CMIP: variants seen among roughly 807,000 people sequenced by gnomAD.
The protein encoded by CMIP is c-Maf inducing protein.
A neutral mutation model predicts 97.3 loss-of-function variants in CMIP; 13 were observed. The ratio of observed to expected loss-of-function variants is 0.13; its 90% confidence interval spans 0.09 to 0.21. The LOEUF is 0.21. Among genes scored for constraint, CMIP ranks in the 10% least tolerant of loss-of-function variants. CMIP has a pLI of 1.00. For missense variants in CMIP, 847 were observed against 1,024.9 expected (o/e 0.83, Z 2.37); for synonymous variants, 538 against 436.3 (o/e 1.23, Z -2.91).
chr16:81,652,075 G>T lies in CMIP; in HGVS notation c.478-128G>T. 2.9e-6 allele frequency: 2 copies of T among 688,366 alleles called. No homozygotes were observed. Among genetic ancestry groups the T allele is most frequent in the Non-Finnish European group, 2.4e-6 (1 of 410,320 alleles). 42.6% of individuals were successfully genotyped at this position (688,366 alleles called of 1,614,324 possible). On this transcript the variant is annotated intron_variant, in intron 3 of 20. Transcript: ENST00000537098. The surrounding 1 kb of genome is among the most constrained non-coding windows in gnomAD (Gnocchi z 5.2). ...GGGTGTCAGTTTCCTTATAAACGGGGACTGGGCCAAGTTGTCAGTTTCTCA... is the reference window on the plus strand; with the variant it reads ...GGGTGTCAGTTTCCTTATAAACGGGTACTGGGCCAAGTTGTCAGTTTCTCA...
Position 81,582,480 on chromosome 16 carries a change from C to G in CMIP, c.301-25087C>G, listed in dbSNP as rs562748797. ...GTAGCAAGTGGTTTTTCATTGCTCC[C>G]TGGAGTCCAGTGGGCTGGGTTTTCA... On this transcript the variant is annotated intron_variant, in intron 1 of 20. Transcript: ENST00000537098. Among the ~76,000 whole-genome samples, 5 of 152,254 alleles carry G rather than the reference C, an allele frequency of 3.3e-5. No individual in the cohort carries two copies. In the South Asian group the frequency reaches 1.0e-3, roughly 32 times the overall value.
At chr16:81,457,166 C>T (rs1301947264) in intron 1 of CMIP, among the ~76,000 whole-genome samples, 1 of 150,906 alleles carries the variant, frequency 6.6e-6, no homozygotes, top group African/African-American at 2.4e-5. Flanking sequence ...CTGCTTGGAA[C>T]CCCTCCGACC....
At chr16:81,505,086 G>A (rs988857472) in intron 1 of CMIP, among the ~76,000 whole-genome samples, 5 of 152,204 alleles carry the variant, frequency 3.3e-5, no homozygotes, top group African/African-American at 4.8e-5. Context: ...CACATCAGTC[G>A]GGAGCCTTGC....
At chr16:81,631,088 A>G (rs2092151771) in intron 3 of CMIP, 1 of 152,346 alleles carries the variant, frequency 6.6e-6, no homozygotes, top group African/African-American at 2.4e-5. Flanking sequence ...AGGGATTGAA[A>G]CTAACAAGTG....
chr16:81,573,458 C>T (rs2091132860), intron 1 of CMIP, among the ~76,000 whole-genome samples: 1 of 152,108 alleles, frequency 6.6e-6, no homozygotes, highest in Admixed American at 6.5e-5. Context: ...TGCTATTCCT[C>T]ATTTAAGGTT....
At chr16:81,680,095 T>C (rs1597240588) in intron 10 of CMIP, among the ~76,000 whole-genome samples, 1 of 152,198 alleles carries the variant, frequency 6.6e-6, no homozygotes, top group African/African-American at 2.4e-5. Context: ...TGTGTTGTCA[T>C]ATTTAACCAA....
chr16:81,539,357 T>A (rs79388303), intron 1 of CMIP, among the ~76,000 whole-genome samples: 7,913 of 151,360 alleles, frequency 0.052, 243 homozygotes, highest in Middle Eastern at 0.088. Context: ...AGCTGCACAA[T>A]GTCTGGCTGT....
chr16:81,633,149 C>A lies in CMIP; in HGVS notation c.477+12223C>A, dbSNP rs551816452. 5.9e-5 allele frequency among the ~76,000 whole-genome samples: 9 copies of A among 152,332 alleles called. No individual in the cohort carries two copies. The South Asian group carries it at 1.9e-3, about 32-fold the overall frequency. On this transcript the variant is annotated intron_variant, in intron 3 of 20. Coordinates refer to ENST00000537098, the MANE Select transcript of CMIP (RefSeq NM_198390.3). ...AGAATTTTGTTTTTCTTTTTCTCGC[C>A]CTTTAAAGACAAGTTTTTAAAACGT...
Position 81,710,818 on chromosome 16 carries a change from A to G in CMIP, c.*1019A>G, listed in dbSNP as rs1908684877. On this transcript the variant is annotated 3_prime_UTR_variant, in exon 21 of 21. Coordinates refer to ENST00000537098, the MANE Select transcript of CMIP (RefSeq NM_198390.3). ...CCCGCCCTCTCCAGTCCACCCCGGT[A>G]AAAGAGCTGTTCCCCACCCCCAGGG... The G allele has an allele frequency of 1.3e-5, 2 of 152,196 alleles. 1 individual carries two copies. The allele number at this position is 152,196 out of a possible 1,614,324, so 9.4% of individuals were successfully genotyped here.
At chr16:81,467,299 C>T (rs928935513) in intron 1 of CMIP, among the ~76,000 whole-genome samples, 6 of 152,158 alleles carry the variant, frequency 3.9e-5, no homozygotes, top group African/African-American at 9.7e-5. Context: ...CCTTCTGCCC[C>T]GTTGGGAAGG....
intron 1 of CMIP, among the ~76,000 whole-genome samples, chr16:81,572,651 C>T (rs1033251248): frequency 6.6e-6 from 1 of 152,162 alleles, no homozygotes; most frequent in African/African-American, 2.4e-5. Context: ...CATGGTCGAG[C>T]GGGGGTCTCA....
At chr16:81,449,620 C>T (rs1906082302) in intron 1 of CMIP, among the ~76,000 whole-genome samples, 1 of 151,572 alleles carries the variant, frequency 6.6e-6, no homozygotes, top group Non-Finnish European at 1.5e-5. Context: ...TGTGCCTAGC[C>T]TGCCTTTAAT....
intron 3 of CMIP, among the ~76,000 whole-genome samples, chr16:81,633,690 G>T (rs1409664787): frequency 6.6e-6 from 1 of 152,216 alleles, no homozygotes; most frequent in Non-Finnish European, 1.5e-5. Flanking sequence ...AGAAACTGAG[G>T]CCACTCCTAA....
At chr16:81,474,298 C>T (rs932761194) in intron 1 of CMIP, among the ~76,000 whole-genome samples, 1 of 152,116 alleles carries the variant, frequency 6.6e-6, no homozygotes, top group Non-Finnish European at 1.5e-5. Context: ...CCCTCCCTCC[C>T]TCTCTCCCTA....
At chr16:81,454,336 G>A (rs1906416965) in intron 1 of CMIP, among the ~76,000 whole-genome samples, 1 of 152,330 alleles carries the variant, frequency 6.6e-6, no homozygotes, top group Admixed American at 6.5e-5. Context: ...AGGAAGTAGA[G>A]TTTAGTGTCA....
chr16:81,589,971 G>C (rs1485917676), intron 1 of CMIP, among the ~76,000 whole-genome samples: 1 of 152,250 alleles, frequency 6.6e-6, no homozygotes, highest in Non-Finnish European at 1.5e-5. Context: ...TCCTGTGGGG[G>C]ATGGATTGAT....
At chr16:81,630,956 A>G (rs1452027238) in intron 3 of CMIP, 1 of 152,196 alleles carries the variant, frequency 6.6e-6, no homozygotes, top group Admixed American at 6.5e-5. Flanking sequence ...CCAAATGGGA[A>G]ACCTTTTGGG....
Position 81,648,111 on chromosome 16 carries a change from G to A in CMIP, c.478-4092G>A, listed in dbSNP as rs1206439449. Among the ~76,000 whole-genome samples the A allele has an allele frequency of 2.0e-5, 3 of 150,694 alleles. No homozygotes were observed. In the East Asian group the frequency reaches 5.9e-4, roughly 29 times the overall value. ...CAGAGCCTTGTGGATCTTGTTTCTG[G>A]ATCTTGTCCTTGTGTCACCAAGCAT... On this transcript the variant is annotated intron_variant, in intron 3 of 20. Coordinates refer to ENST00000537098, the MANE Select transcript of CMIP (RefSeq NM_198390.3).
At chr16:81,595,034 G>GTCTCTCTCTA (rs1555534861) in intron 1 of CMIP, among the ~76,000 whole-genome samples, 1 of 145,716 alleles carries the variant, frequency 6.9e-6, no homozygotes, top group Non-Finnish European at 1.5e-5. Context: ...ATATCATGTG[G>GTCTCTCTCTA]TCTCTCTCTC....
Sources: gnomAD v4.1 joint callset for allele counts (sites outside exome capture counted in the v4.1 genomes callset) on GRCh38, gnomAD v4.1.1 for gene constraint, Gnocchi (gnomAD v3.1) non-coding constraint, MANE v1.5 for transcripts, NCBI Gene and HGNC (gene_info 2026-07-23, HGNC 2026-07-21) for gene names.